Variants in NCBP2L observed in about 807,000 individuals in gnomAD.
The protein encoded by NCBP2L is nuclear cap-binding protein subunit 2-like.
For missense variants in NCBP2L, 95 were observed against 53.1 expected, an observed-to-expected ratio of 1.79 and a Z score of -2.45; for synonymous variants, 39 against 19.2, an observed-to-expected ratio of 2.04 and a Z score of -2.70.
At chrX:107,782,030 C>G (rs1930299492) in intron 1 of NCBP2L, among the ~76,000 whole-genome samples, 1 of 92,527 alleles carries the variant, frequency 1.1e-5, no homozygotes, top group Non-Finnish European at 2.1e-5. Flanking sequence ...GGGCAGAGAT[C>G]TATACTTTTA....
intron 1 of NCBP2L, among the ~76,000 whole-genome samples, chrX:107,786,726 C>T (rs59424160): frequency 0.2 from 21,847 of 110,937 alleles, 2,291 homozygotes; most frequent in African/African-American, 0.4. Flanking sequence ...ACTATAATGA[C>T]CCTTATTTTA....
In NCBP2L at chrX:107,793,394, C is replaced by T. The variant is rs571659078; in HGVS notation, c.-72-755C>T. Reference sequence around the variant, plus strand: ...AGAAATAGGGAGACCCAGTGCCTCCCTATATATGCCTCCCTATAATAACAT... The same window carrying T: ...AGAAATAGGGAGACCCAGTGCCTCCTTATATATGCCTCCCTATAATAACAT... On this transcript the variant is annotated intron_variant, in intron 1 of 1. Transcript: ENST00000509000. Among the ~76,000 whole-genome samples the T allele has an allele frequency of 2.6e-4, 29 of 111,355 alleles. No homozygotes were observed. In the Admixed American group the frequency reaches 2.8e-3, roughly 11 times the overall value.
rs189883915 is a variant in NCBP2L at position 107,780,024 on chromosome X, G to A, written c.-73+2166G>A. ...CTCCCAAAGTGCTGGGATTACAGGC[G>A]TGAGCCACCGCGCCCAGCCTCCCCT... On this transcript the variant is annotated intron_variant, in intron 1 of 1. Transcript: ENST00000509000. 4.4e-4 allele frequency among the ~76,000 whole-genome samples: 49 copies of A among 110,340 alleles called. No homozygotes were observed. In the Admixed American group the frequency reaches 4.6e-3, roughly 10 times the overall value.
At chrX:107,781,538 C>G (rs1324522353) in intron 1 of NCBP2L, among the ~76,000 whole-genome samples, 1 of 91,882 alleles carries the variant, frequency 1.1e-5, no homozygotes, top group African/African-American at 4.1e-5. Context: ...GTTTTGAACT[C>G]CTGAGCTCAA....
intron 1 of NCBP2L, among the ~76,000 whole-genome samples, chrX:107,782,338 A>AATATATATATATAAAT (rs1169480361): frequency 8.6e-5 from 3 of 34,789 alleles, no homozygotes; most frequent in African/African-American, 3.2e-4. Context: ...TATATATATA[A>AATATATATATATAAAT]ATATATATAT....
chrX:107,794,275 T>C lies in NCBP2L; in HGVS notation c.55T>C (p.Tyr19His). 1 of 568,384 alleles carries C rather than the reference T, an allele frequency of 1.8e-6. No homozygotes were observed. The highest frequency in any genetic ancestry group is 3.2e-6 in the Non-Finnish European group (1 of 308,821). The allele number at this position is 568,384 out of a possible 1,213,427, so 46.8% of individuals were successfully genotyped here. The change falls in exon 2 of 2, where the codon TAC (tyrosine) becomes CAC (histidine). Residue 19 changes from tyrosine to histidine, a missense_variant. Physicochemically the swap from Tyr to His is moderately conservative, Grantham distance 83 (BLOSUM62 2). Transcript: ENST00000509000. ...AGACCCTGCTTTGGAGCTGAGCTGC[T>C]ACCGGGACCATCAGTTCAGTGGCCG... ...CKDPALELSC[Y>H]RDHQFSGRKF...
Position 107,781,692 on chromosome X carries a change from C to CTCTCTCTCTA in NCBP2L, c.-73+3835_-73+3836insCTCTCTCTAT, listed in dbSNP as rs1395038482. Among the ~76,000 whole-genome samples, 159 of 66,904 alleles carry CTCTCTCTCTA rather than the reference C, an allele frequency of 2.4e-3. 3 individuals carry two copies. Among genetic ancestry groups the CTCTCTCTCTA allele is most frequent in the African/African-American group, 1.0e-2 (117 of 11,736 alleles). 58.1% of individuals were successfully genotyped at this position (66,904 alleles called of 115,157 possible). ...TATCTATCTATCTCTCTCTCTCTCT[C>CTCTCTCTCTA]TATATATATATATATATAGATCTAT... On this transcript the variant is annotated intron_variant, in intron 1 of 1. Coordinates refer to ENST00000509000, the MANE Select transcript of NCBP2L (RefSeq NM_001348372.2).
intron 1 of NCBP2L, among the ~76,000 whole-genome samples, chrX:107,782,975 A>G (rs765830403): frequency 9.2e-6 from 1 of 108,915 alleles, no homozygotes; most frequent in African/African-American, 3.3e-5. Flanking sequence ...CACAATTTCT[A>G]TATTTAGAAA....
Position 107,794,376 on chromosome X carries a change from A to G in NCBP2L, c.156A>G (p.Glu52=), listed in dbSNP as rs1286489518. The G allele has an allele frequency of 1.8e-6, 1 of 570,422 alleles. No individual in the cohort carries two copies. Among genetic ancestry groups the G allele is most frequent in the South Asian group, 2.2e-5 (1 of 45,004 alleles). 47.0% of individuals were successfully genotyped at this position (570,422 alleles called of 1,213,427 possible). ...GGAATCTTTCCTTTTATACAACCGA[A>G]GAGAAAATACATGAACTCTTTAGTA... ...NMGNLSFYTT[E]EKIHELFSRS... is the part of the protein sequence containing the mutation. The change falls in exon 2 of 2, where the codon GAA becomes GAG. Residue 52 remains glutamate (E), a synonymous_variant. Coordinates refer to ENST00000509000, the MANE Select transcript of NCBP2L (RefSeq NM_001348372.2).
chrX:107,782,245 ATATAAATATATATAT>A (rs1930314702), intron 1 of NCBP2L, among the ~76,000 whole-genome samples: 2 of 19,750 alleles, frequency 1.0e-4, no homozygotes, highest in Non-Finnish European at 1.4e-4. Flanking sequence ...AAATATATAT[ATATAAATATATATAT>A]AAATATATAT....
chrX:107,781,647 C>CTAT (rs1465376213), intron 1 of NCBP2L, among the ~76,000 whole-genome samples: 1,261 of 69,992 alleles, frequency 0.018, 80 homozygotes, highest in African/African-American at 0.071. Flanking sequence ...ATCTATCTAT[C>CTAT]TATCATCTAT....
chrX:107,783,358 CTT>C (rs769083822), intron 1 of NCBP2L, among the ~76,000 whole-genome samples: 2,463 of 61,873 alleles, frequency 0.04, 104 homozygotes, highest in African/African-American at 0.19. Flanking sequence ...TGGCACTTGC[CTT>C]TTTTTTTTTT....
intron 1 of NCBP2L, among the ~76,000 whole-genome samples, chrX:107,782,256 TATATAAATATATATATATAA>T: frequency 3.7e-5 from 1 of 27,144 alleles, no homozygotes; most frequent in African/African-American, 4.2e-4. Context: ...TATAAATATA[TATATAAATATATATATATAA>T]ATATATATAA....
intron 1 of NCBP2L, among the ~76,000 whole-genome samples, chrX:107,780,750 C>T (rs1403009396): frequency 9.3e-6 from 1 of 107,231 alleles, no homozygotes; most frequent in Non-Finnish European, 1.9e-5. Flanking sequence ...GTGCTTCAGC[C>T]TCCCGAGTAG....
intron 1 of NCBP2L, among the ~76,000 whole-genome samples, chrX:107,782,274 TAAATATATATAAATATATATATATAA>T (rs1930319750): frequency 4.7e-5 from 1 of 21,273 alleles, no homozygotes; most frequent in Non-Finnish European, 6.1e-5. Flanking sequence ...TATATATATA[TAAATATATATAAATATATATATATAA>T]ATATATATAT....
At chrX:107,781,670 CTATCTA>C (rs1415476352) in intron 1 of NCBP2L, among the ~76,000 whole-genome samples, 5 of 73,224 alleles carry the variant, frequency 6.8e-5, no homozygotes, top group Admixed American at 1.4e-4. Flanking sequence ...ATCTATCTAT[CTATCTA>C]TCTCTCTCTC....
At chrX:107,791,490 C>G in intron 1 of NCBP2L, among the ~76,000 whole-genome samples, 1 of 112,370 alleles carries the variant, frequency 8.9e-6, no homozygotes, top group Admixed American at 9.4e-5. Flanking sequence ...AAGCAATCCA[C>G]CTGCCTCGGC....
chrX:107,782,074 G>A (rs1300648768), intron 1 of NCBP2L, among the ~76,000 whole-genome samples: 1 of 87,871 alleles, frequency 1.1e-5, no homozygotes, highest in Non-Finnish European at 2.2e-5. Flanking sequence ...AGGTAGCCAG[G>A]TTTGGGAGCT....
intron 1 of NCBP2L, among the ~76,000 whole-genome samples, chrX:107,789,099 C>T (rs1396854075): frequency 9.2e-6 from 1 of 109,159 alleles, no homozygotes; most frequent in African/African-American, 3.3e-5. Flanking sequence ...AAATCTAGGT[C>T]GTTGGATGCT....
Sources: gnomAD v4.1 joint callset for allele counts (sites outside exome capture counted in the v4.1 genomes callset) on GRCh38, gnomAD v4.1.1 for gene constraint, MANE v1.5 for transcripts, NCBI Gene and HGNC (gene_info 2026-07-23, HGNC 2026-07-21) for gene names.